Variants in GRID2 observed in about 807,000 individuals in gnomAD.
GRID2 encodes the protein glutamate ionotropic receptor delta type subunit 2, also known as glutamate receptor ionotropic, delta-2.
Under a neutral mutation model 114.8 loss-of-function variants are expected in GRID2, and 33 were observed. The ratio of observed to expected loss-of-function variants is 0.29; its 90% CI spans 0.22 to 0.38. GRID2 has a LOEUF of 0.38. GRID2 is among the 10% of genes least tolerant of loss of function. The pLI is 1.00. For missense variants in GRID2, 1,184 were observed against 1,257.7 expected (o/e 0.94, Z 0.89); for synonymous variants, 505 against 449.9 (o/e 1.12, Z -1.55).
chr4:92,899,637 A>G (rs1282213075), intron 2 of GRID2, among the ~76,000 whole-genome samples: 1 of 152,186 alleles, frequency 6.6e-6, no homozygotes, highest in Non-Finnish European at 1.5e-5. Context: ...GAAGAACACT[A>G]TGATCTTCAG....
chr4:93,555,126 T>G (rs1188447239), intron 13 of GRID2, among the ~76,000 whole-genome samples: 1 of 152,122 alleles, frequency 6.6e-6, no homozygotes, highest in Non-Finnish European at 1.5e-5. Context: ...ACCAGGAGAT[T>G]CCCTCGGGTG....
chr4:93,242,574 T>C (rs1180998465), intron 8 of GRID2, among the ~76,000 whole-genome samples: 1 of 152,028 alleles, frequency 6.6e-6, no homozygotes, highest in African/African-American at 2.4e-5. Context: ...TGAACATGAA[T>C]GGCAATGAAG....
chr4:93,336,478 C>T (rs987801651), intron 8 of GRID2, among the ~76,000 whole-genome samples: 2 of 152,038 alleles, frequency 1.3e-5, no homozygotes, highest in Non-Finnish European at 2.9e-5. Flanking sequence ...GGTTTTTTCC[C>T]ACTAAAACAA....
chr4:92,696,332 CAT>C (rs1362539688), intron 2 of GRID2, among the ~76,000 whole-genome samples: 1 of 152,082 alleles, frequency 6.6e-6, no homozygotes, highest in Non-Finnish European at 1.5e-5. Context: ...CAGATATTCA[CAT>C]GTTAATATGT....
At chr4:92,951,545 G>GTC (rs1752041060) in intron 2 of GRID2, among the ~76,000 whole-genome samples, 1 of 151,880 alleles carries the variant, frequency 6.6e-6, no homozygotes, top group African/African-American at 2.4e-5. Context: ...GTTTCAACAT[G>GTC]TTGCCCAGGC....
At chr4:92,888,323 T>A (rs1265247133) in intron 2 of GRID2, among the ~76,000 whole-genome samples, 3 of 152,160 alleles carry the variant, frequency 2.0e-5, no homozygotes, top group Non-Finnish European at 2.9e-5. Flanking sequence ...TAGTATTTAA[T>A]GATTTAAATA....
intron 2 of GRID2, among the ~76,000 whole-genome samples, chr4:93,075,049 C>T (rs1729134638): frequency 6.6e-6 from 1 of 152,110 alleles, no homozygotes; most frequent in Non-Finnish European, 1.5e-5. Context: ...GGAAAAATGA[C>T]ATTAATTATA....
At chr4:93,345,420 C>A (rs761980581) in intron 8 of GRID2, among the ~76,000 whole-genome samples, 4 of 151,966 alleles carry the variant, frequency 2.6e-5, no homozygotes, top group Non-Finnish European at 5.9e-5. Context: ...TTTTTTCATA[C>A]CCCTGTTGGC....
chr4:93,147,673 C>T (rs1362524900), intron 4 of GRID2, among the ~76,000 whole-genome samples: 2 of 151,912 alleles, frequency 1.3e-5, no homozygotes, highest in East Asian at 3.9e-4. Context: ...GGGAGGTGGC[C>T]CTGATGAAAG....
intron 8 of GRID2, among the ~76,000 whole-genome samples, chr4:93,286,095 A>G (rs1343545882): frequency 2.0e-5 from 3 of 152,154 alleles, no homozygotes; most frequent in Admixed American, 1.3e-4. Flanking sequence ...AGAATATGCC[A>G]TTGATTTTAT....
At chr4:92,481,167 G>T (rs1388999554) in intron 1 of GRID2, among the ~76,000 whole-genome samples, 1 of 152,006 alleles carries the variant, frequency 6.6e-6, no homozygotes, top group Non-Finnish European at 1.5e-5. Context: ...AAAATTGGAA[G>T]TTTAATTTAC....
chr4:92,336,503 TC>T (rs1030374894), intron 1 of GRID2, among the ~76,000 whole-genome samples: 3 of 152,288 alleles, frequency 2.0e-5, no homozygotes, highest in African/African-American at 4.8e-5. Flanking sequence ...TAGCCAGAGT[TC>T]CCATCATCTC....
chr4:92,762,936 G>T (rs556236768), intron 2 of GRID2, among the ~76,000 whole-genome samples: 115 of 152,236 alleles, frequency 7.6e-4, no homozygotes, highest in Admixed American at 3.7e-3. Flanking sequence ...TTCAGACACA[G>T]TTTCTTCCCC....
chr4:92,428,452 G>A (rs990303933), intron 1 of GRID2, among the ~76,000 whole-genome samples: 1 of 151,726 alleles, frequency 6.6e-6, no homozygotes, highest in African/African-American at 2.4e-5. Context: ...TAAATTTTCA[G>A]TAAGGAAAAC....
intron 13 of GRID2, among the ~76,000 whole-genome samples, chr4:93,619,220 T>G (rs950639567): frequency 2.0e-5 from 3 of 152,202 alleles, no homozygotes; most frequent in Non-Finnish European, 2.9e-5. Flanking sequence ...TTAAAGTCAG[T>G]CTTAAGTACT....
chr4:92,341,828 T>G (rs1359974769), intron 1 of GRID2, among the ~76,000 whole-genome samples: 1 of 149,048 alleles, frequency 6.7e-6, no homozygotes, highest in Non-Finnish European at 1.5e-5. Flanking sequence ...GGCGGGAGAA[T>G]GGCATGAACT....
intron 2 of GRID2, among the ~76,000 whole-genome samples, chr4:92,703,957 CT>C (rs965437618): frequency 1.2e-4 from 19 of 152,184 alleles, no homozygotes; most frequent in African/African-American, 4.3e-4. Context: ...TCATTAAATA[CT>C]TCGTAGATGT....
chr4:92,809,872 C>A (rs1489558418), intron 2 of GRID2, among the ~76,000 whole-genome samples: 2 of 151,980 alleles, frequency 1.3e-5, no homozygotes, highest in East Asian at 3.9e-4. Flanking sequence ...ATATTTATAT[C>A]ACCAGGTGTA....
At chr4:93,064,176 GA>G (rs1728060809) in intron 2 of GRID2, among the ~76,000 whole-genome samples, 1 of 150,170 alleles carries the variant, frequency 6.7e-6, no homozygotes, top group Non-Finnish European at 1.5e-5. Context: ...AGTAATTGCA[GA>G]TTTTGCTAGT....
Sources: allele counts gnomAD v4.1 joint callset (sites outside exome capture counted in the v4.1 genomes callset), GRCh38; gene constraint gnomAD v4.1.1; transcripts MANE v1.5; gene names NCBI Gene and HGNC (gene_info 2026-07-23, HGNC 2026-07-21).